The following ASB18 variants were observed in gnomAD, a reference collection of about 807,000 sequenced individuals.
ASB18 encodes ankyrin repeat and SOCS box protein 18.
A neutral mutation model predicts 33.4 loss-of-function variants in ASB18; 33 were observed. The observed-to-expected ratio is 0.99, with a 90% CI of 0.75 to 1.32. ASB18 has a LOEUF of 1.32. Among genes scored for constraint, ASB18 ranks in the 40% most tolerant of loss-of-function variants. The pLI is 0.00. For synonymous variants in ASB18, 295 were observed against 307.6 expected (o/e 0.96, Z 0.43); for missense variants, 694 against 655.5 (o/e 1.06, Z -0.64).
In ASB18 at chr2:236,211,106, A is replaced by G. The variant is rs2060456976; in HGVS notation, c.1101+3256T>C. ...TTATCCAGACCAAGCATCCAGCCCA[A>G]AAAGTCACCTGTGGCAGATGCCAAA... is the stretch of plus-strand genomic sequence containing the variant. On this transcript the variant is annotated intron_variant, in intron 4 of 5. Transcript: ENST00000409749. This position sits in a 1 kb window ranked among gnomAD's most constrained non-coding sequence, Gnocchi z 5.0. Among the ~76,000 whole-genome samples, 2 of 152,188 alleles carry G rather than the reference A, an allele frequency of 1.3e-5. No homozygotes were observed. The highest frequency in any genetic ancestry group is 2.1e-4 in the South Asian group (1 of 4,828).
chr2:236,221,303 G>C lies in ASB18; in HGVS notation c.597-6437C>G, dbSNP rs1489621002. Among the ~76,000 whole-genome samples the C allele has an allele frequency of 6.6e-6, 1 of 152,330 alleles. No individual in the cohort carries two copies. The highest frequency in any genetic ancestry group is 1.9e-4 in the East Asian group (1 of 5,188). ...GACTCAAACGTCACCTTTTGTGTGT[G>C]AGTGGGGAAAGGGACATTGCTTCTG... On this transcript the variant is annotated intron_variant, in intron 3 of 5. Transcript: ENST00000409749. This position sits in a 1 kb window ranked among gnomAD's most constrained non-coding sequence, Gnocchi z 5.6.
rs1263332081 is a variant in ASB18 at position 236,238,047 on chromosome 2, C to A, written c.329-91G>T. On this transcript the variant is annotated intron_variant, in intron 2 of 5. Coordinates refer to ENST00000409749, the MANE Select transcript of ASB18 (RefSeq NM_212556.4). The surrounding 1 kb of genome is among the most constrained non-coding windows in gnomAD (Gnocchi z 5.2). ...CCTTAAGGCGGAAAGAAAGTGAAGC[C>A]GTCTCTTAAAGGTAGGTACCAGGTA... The A allele has an allele frequency of 1.7e-6, 2 of 1,164,302 alleles. No homozygotes were observed. Among genetic ancestry groups the A allele is most frequent in the Non-Finnish European group, 1.1e-6 (1 of 884,788 alleles). The allele number at this position is 1,164,302 out of a possible 1,614,324, so 72.1% of individuals were successfully genotyped here. A position where few individuals can be genotyped will look rare whatever the true frequency, so the allele number is the denominator to read the frequency against.
rs137901956 is a variant in ASB18 at position 236,263,348 on chromosome 2, A to G, written c.205+793T>C. On this transcript the variant is annotated intron_variant, in intron 1 of 5. Coordinates refer to ENST00000409749, the MANE Select transcript of ASB18 (RefSeq NM_212556.4). The surrounding 1 kb of genome is among the most constrained non-coding windows in gnomAD (Gnocchi z 4.0). ...ACAAAGAAAAAATCCTATGGACAAG[A>G]CTTTGTCCAGACCTGCAAAGAAAGG... Among the ~76,000 whole-genome samples, 51 of 152,294 alleles carry G rather than the reference A, an allele frequency of 3.3e-4. No homozygotes were observed. The highest frequency in any genetic ancestry group is 1.2e-3 in the African/African-American group (51 of 41,558).
intron 3 of ASB18, among the ~76,000 whole-genome samples, chr2:236,224,691 G>A (rs777302042): frequency 1.2e-4 from 19 of 152,188 alleles, no homozygotes; most frequent in Non-Finnish European, 2.2e-4. Flanking sequence ...TCTGAGCCTT[G>A]GTTTTCTAAT....
rs1257084414 is a variant in ASB18, at chr2:236,205,593, C to A, written c.1101+8769G>T. Among the ~76,000 whole-genome samples, 1 of 152,202 alleles carries A rather than the reference C, an allele frequency of 6.6e-6. No homozygotes were observed. ...CCACATAGGCAGGAATACTTCTTTC[C>A]CCTTATCTGTTCACTCACTTATCCT... On this transcript the variant is annotated intron_variant, in intron 4 of 5. Transcript: ENST00000409749. The surrounding 1 kb of genome is among the most constrained non-coding windows in gnomAD (Gnocchi z 5.4).
rs562377639 is a variant in ASB18 at position 236,226,994 on chromosome 2, C to A, written c.596+10695G>T. ...TTAACAATGGTACAAGACTATTAAC[C>A]AAACTGTTGACTTTATTTGGATTTT... On this transcript the variant is annotated intron_variant, in intron 3 of 5. Coordinates refer to ENST00000409749, the MANE Select transcript of ASB18 (RefSeq NM_212556.4). This position sits in a 1 kb window ranked among gnomAD's most constrained non-coding sequence, Gnocchi z 4.8. Among the ~76,000 whole-genome samples the A allele has an allele frequency of 6.6e-6, 1 of 152,082 alleles. No homozygotes were observed. Among genetic ancestry groups the A allele is most frequent in the South Asian group, 2.1e-4 (1 of 4,822 alleles).
chr2:236,248,827 C>T lies in ASB18; in HGVS notation c.206-7425G>A, dbSNP rs1309139657. On this transcript the variant is annotated intron_variant, in intron 1 of 5. Transcript: ENST00000409749. This position sits in a 1 kb window ranked among gnomAD's most constrained non-coding sequence, Gnocchi z 4.9. ...ATGGAGCATGACACAGCCAAGATTC[C>T]AAAAGGTCTCCACAGGTCAGAGCAA... is the stretch of plus-strand genomic sequence containing the variant. The T allele has an allele frequency of 6.6e-6, 1 of 152,164 alleles. No homozygotes were observed. Among genetic ancestry groups the T allele is most frequent in the Non-Finnish European group, 1.5e-5 (1 of 68,038 alleles). 9.4% of individuals were successfully genotyped at this position (152,164 alleles called of 1,614,324 possible). A position where few individuals can be genotyped will look rare whatever the true frequency, so the allele number is the denominator to read the frequency against.
rs540112321 is a variant in ASB18 at position 236,214,821 on chromosome 2, C to A, written c.642G>T (p.Val214=). 15 of 1,213,302 alleles carry A rather than the reference C, an allele frequency of 1.2e-5. No individual in the cohort carries two copies. Among genetic ancestry groups the A allele is most frequent in the Non-Finnish European group, 1.5e-5 (15 of 975,806 alleles). The allele number at this position is 1,213,302 out of a possible 1,614,324, so 75.2% of individuals were successfully genotyped here. A position where few individuals can be genotyped will look rare whatever the true frequency, so the allele number is the denominator to read the frequency against. The change falls in exon 4 of 6, where the codon GTG becomes GTT. Residue 214 remains valine, a synonymous_variant. Coordinates refer to ENST00000409749, the MANE Select transcript of ASB18 (RefSeq NM_212556.4). The surrounding 1 kb of genome is among the most constrained non-coding windows in gnomAD (Gnocchi z 6.5). The stretch of plus-strand genomic sequence containing the variant: ...GCGGCGTGTCCCGGCCCGTGCCGCC[C>A]ACGCGCTGCACCGAGGCCCCGTGCT... ...LLEHGASVQR[V]GGTGRDTPLH...
In ASB18 at chr2:236,237,600, C is replaced by T. The variant is rs1234456751; in HGVS notation, c.596+89G>A. ...CCGGAGGCGGGGGCTGGGACGGAGG[C>T]GGAGGCGGGGTCGGCGGTCTCGTGG... On this transcript the variant is annotated intron_variant, in intron 3 of 5. Coordinates refer to ENST00000409749, the MANE Select transcript of ASB18 (RefSeq NM_212556.4). This position sits in a 1 kb window ranked among gnomAD's most constrained non-coding sequence, Gnocchi z 6.2. 11 of 1,012,004 alleles carry T rather than the reference C, an allele frequency of 1.1e-5. No individual in the cohort carries two copies. Among genetic ancestry groups the T allele is most frequent in the African/African-American group, 2.8e-5 (1 of 35,976 alleles). 62.7% of individuals were successfully genotyped at this position (1,012,004 alleles called of 1,614,324 possible). A position where few individuals can be genotyped will look rare whatever the true frequency, so the allele number is the denominator to read the frequency against.
rs2060673891 is a variant in ASB18, at chr2:236,252,737, C to T, written c.206-11335G>A. Among the ~76,000 whole-genome samples the T allele has an allele frequency of 2.0e-5, 3 of 152,170 alleles. No homozygotes were observed. In the South Asian group the frequency reaches 6.2e-4, roughly 31 times the overall value. On this transcript the variant is annotated intron_variant, in intron 1 of 5. Transcript: ENST00000409749. This position sits in a 1 kb window ranked among gnomAD's most constrained non-coding sequence, Gnocchi z 7.9. Reference sequence around the variant, plus strand: ...ACCTGAGCAGGAAATGAAGCCGCCACAGACAGCAGACCTGTGATTCAGGGC... The same window carrying T: ...ACCTGAGCAGGAAATGAAGCCGCCATAGACAGCAGACCTGTGATTCAGGGC...
rs146792938 is a variant in ASB18 at position 236,257,538 on chromosome 2, CTGTGTGTG to C, written c.205+6595_205+6602del. Among the ~76,000 whole-genome samples, 1 of 152,148 alleles carries C rather than the reference CTGTGTGTG, an allele frequency of 6.6e-6. No homozygotes were observed. Among genetic ancestry groups the C allele is most frequent in the South Asian group, 2.1e-4 (1 of 4,818 alleles). On this transcript the variant is annotated intron_variant, in intron 1 of 5. Transcript: ENST00000409749. The surrounding 1 kb of genome is among the most constrained non-coding windows in gnomAD (Gnocchi z 5.5). ...TGAGATTGTGTGCACGTGTGCATGA[CTGTGTGTG>C]TGCGTGTGTACATATGCATATGTAT...
Position 236,214,658 on chromosome 2 carries a change from G to A in ASB18, c.805C>T (p.His269Tyr). 4.3e-6 allele frequency: 5 copies of A among 1,152,570 alleles called. No homozygotes were observed. Among genetic ancestry groups the A allele is most frequent in the Non-Finnish European group, 3.2e-6 (3 of 938,642 alleles). The allele number at this position is 1,152,570 out of a possible 1,614,324, so 71.4% of individuals were successfully genotyped here. Residue 269 changes from histidine (H) to tyrosine (Y), a missense_variant, in exon 4 of 6, where the codon CAC becomes TAC. Coordinates refer to ENST00000409749, the MANE Select transcript of ASB18 (RefSeq NM_212556.4). The surrounding 1 kb of genome is among the most constrained non-coding windows in gnomAD (Gnocchi z 6.5). ...GCGCACAGGCGCAGGCAGCGCCCGT[G>A]CTCGTCGGGCCTCCGCGCCGCACCG... is the stretch of plus-strand genomic sequence containing the variant. ...ACGAARRPDEHGRCLRLCALL... is the reference protein window; with the variant it reads ...ACGAARRPDEYGRCLRLCALL...
At chr2:236,254,732 C>T (rs1376145536) in intron 1 of ASB18, among the ~76,000 whole-genome samples, 1 of 152,026 alleles carries the variant, frequency 6.6e-6, no homozygotes. Flanking sequence ...TGCTGTTAAG[C>T]CCATCGTTGA....
rs1342280584 is a variant in ASB18 at position 236,237,404 on chromosome 2, C to T, written c.596+285G>A. ...CGCGGGGCGGGGGCCGGGGCCGGGG[C>T]GCGGGGCGGGGGCCGGGGCCGGGGC... On this transcript the variant is annotated intron_variant, in intron 3 of 5. Coordinates refer to ENST00000409749, the MANE Select transcript of ASB18 (RefSeq NM_212556.4). This position sits in a 1 kb window ranked among gnomAD's most constrained non-coding sequence, Gnocchi z 6.2. 7.3e-5 allele frequency among the ~76,000 whole-genome samples: 7 copies of T among 96,152 alleles called. 1 individual carries two copies. The highest frequency in any genetic ancestry group is 1.3e-4 in the African/African-American group (2 of 14,924). 63.1% of individuals were successfully genotyped at this position (96,152 alleles called of 152,430 possible).
Position 236,220,446 on chromosome 2 carries a change from G to A in ASB18, c.597-5580C>T, listed in dbSNP as rs898301949. Among the ~76,000 whole-genome samples the A allele has an allele frequency of 2.0e-5, 3 of 151,940 alleles. No individual in the cohort carries two copies. The highest frequency in any genetic ancestry group is 2.1e-4 in the South Asian group (1 of 4,816). On this transcript the variant is annotated intron_variant, in intron 3 of 5. Transcript: ENST00000409749. This position sits in a 1 kb window ranked among gnomAD's most constrained non-coding sequence, Gnocchi z 5.1. ...AGCCTGTCCAGGCTTCCACTCTCTC[G>A]TCTCCCCTGCCTCCTGATCACCCTC...
Position 236,238,318 on chromosome 2 carries a change from G to A in ASB18, c.329-362C>T, listed in dbSNP as rs1339805425. Among the ~76,000 whole-genome samples, 14 of 152,164 alleles carry A rather than the reference G, an allele frequency of 9.2e-5. No homozygotes were observed. Among genetic ancestry groups the A allele is most frequent in the Admixed American group, 9.2e-4 (14 of 15,286 alleles). On this transcript the variant is annotated intron_variant, in intron 2 of 5. Coordinates refer to ENST00000409749, the MANE Select transcript of ASB18 (RefSeq NM_212556.4). This position sits in a 1 kb window ranked among gnomAD's most constrained non-coding sequence, Gnocchi z 5.2. ...CAGGGTGCACGGTAGGCGAATTTAA[G>A]TGAGGAATTCACGTGTTCCAGGCCC... is the stretch of plus-strand genomic sequence containing the variant.
intron 1 of ASB18, among the ~76,000 whole-genome samples, chr2:236,254,918 C>G (rs1183308914): frequency 6.6e-6 from 1 of 152,074 alleles, no homozygotes; most frequent in Non-Finnish European, 1.5e-5. Context: ...CCGCTTGGTG[C>G]TGTTCTCAAG....
intron 4 of ASB18, among the ~76,000 whole-genome samples, chr2:236,199,714 A>C (rs1459796854): frequency 1.3e-5 from 2 of 151,940 alleles, no homozygotes; most frequent in Non-Finnish European, 2.9e-5. Flanking sequence ...TTGGTTTATA[A>C]TTTTTTGAGC....
At chr2:236,201,302 C>G (rs2060400629) in intron 4 of ASB18, among the ~76,000 whole-genome samples, 1 of 152,086 alleles carries the variant, frequency 6.6e-6, no homozygotes, top group East Asian at 1.9e-4. Context: ...CAGGTGCATG[C>G]CACTATGCCA....
Sources: gnomAD v4.1 joint callset for allele counts (sites outside exome capture counted in the v4.1 genomes callset) on GRCh38, gnomAD v4.1.1 for gene constraint, Gnocchi (gnomAD v3.1) non-coding constraint, MANE v1.5 for transcripts, NCBI Gene and HGNC (gene_info 2026-07-23, HGNC 2026-07-21) for gene names.